Variants in KIFAP3 observed in about 807,000 individuals in gnomAD.
KIFAP3 encodes kinesin associated protein 3.
A neutral mutation model predicts 106.5 loss-of-function variants in KIFAP3; 68 were observed. The ratio of observed to expected loss-of-function variants is 0.64; its 90% CI spans 0.53 to 0.78. The LOEUF is 0.78. Ranked by LOEUF, KIFAP3 falls within the 30% of genes least tolerant of loss-of-function variation. The probability of loss-of-function intolerance (pLI) is 0.00; values close to 1 mark genes in which losing one functional copy is unlikely to be tolerated. For synonymous variants in KIFAP3, 320 were observed against 311.5 expected (o/e 1.03, Z -0.29); for missense variants, 780 against 941.8 (o/e 0.83, Z 2.25).
intron 16 of KIFAP3, among the ~76,000 whole-genome samples, chr1:169,974,597 A>ATTCTGAAACTCAT (rs6143480): frequency 0.94 from 141,959 of 151,516 alleles, 66,588 homozygotes; most frequent in East Asian, 1. Context: ...GTATTTGTGC[A>ATTCTGAAACTCAT]TTTTTTAAAA....
chr1:169,938,580 A>C (rs566569088), intron 19 of KIFAP3, among the ~76,000 whole-genome samples: 1 of 152,270 alleles, frequency 6.6e-6, no homozygotes, highest in East Asian at 1.9e-4. Context: ...CTGACCTTTA[A>C]AACTTCTATT....
upstream of KIFAP3, among the ~76,000 whole-genome samples, chr1:170,076,560 C>T (rs1363185167): frequency 1.3e-5 from 2 of 151,854 alleles, no homozygotes; most frequent in African/African-American, 2.4e-5. Context: ...AAAAAAGAAC[C>T]CCACTTCCAC....
At chr1:170,055,752 A>G (rs758237193) in intron 1 of KIFAP3, among the ~76,000 whole-genome samples, 3 of 152,198 alleles carry the variant, frequency 2.0e-5, no homozygotes, top group Non-Finnish European at 2.9e-5. Context: ...TGAAACATAA[A>G]CAAGTAAGAC....
chr1:170,068,239 CACAA>C (rs1379880627), intron 1 of KIFAP3: 1 of 152,106 alleles, frequency 6.6e-6, no homozygotes, highest in Admixed American at 6.6e-5. Flanking sequence ...CATGCTACAG[CACAA>C]ACACTGGACT....
At chr1:170,028,592 C>T (rs1669238986) in intron 8 of KIFAP3, among the ~76,000 whole-genome samples, 1 of 152,214 alleles carries the variant, frequency 6.6e-6, no homozygotes, top group Non-Finnish European at 1.5e-5. Context: ...CCACCTAGGC[C>T]TCCCAGAATG....
intron 17 of KIFAP3, among the ~76,000 whole-genome samples, chr1:169,970,688 T>A (rs1394690319): frequency 6.6e-6 from 1 of 152,052 alleles, no homozygotes; most frequent in Non-Finnish European, 1.5e-5. Context: ...TTTTAAGACA[T>A]CATCCACTCC....
intron 3 of KIFAP3, among the ~76,000 whole-genome samples, chr1:170,042,658 G>C (rs1239112178): frequency 6.6e-6 from 1 of 152,136 alleles, no homozygotes; most frequent in Non-Finnish European, 1.5e-5. Context: ...TTGAAAACTT[G>C]ACCTGTGACT....
chr1:169,974,208 C>T (rs371576199), intron 16 of KIFAP3, among the ~76,000 whole-genome samples: 18 of 151,870 alleles, frequency 1.2e-4, no homozygotes, highest in African/African-American at 3.4e-4. Flanking sequence ...AATAAAGAAA[C>T]CTTGGTGAAT....
chr1:169,962,217 CTTGTT>C (rs1487962419), intron 17 of KIFAP3, among the ~76,000 whole-genome samples: 1 of 152,076 alleles, frequency 6.6e-6, no homozygotes. Context: ...TTAAATGCTT[CTTGTT>C]TTGATCATAA....
At chr1:169,922,412 G>A (rs1249317474) in intron 19 of KIFAP3, among the ~76,000 whole-genome samples, 2 of 152,126 alleles carry the variant, frequency 1.3e-5, no homozygotes, top group Non-Finnish European at 2.9e-5. Context: ...TTTCTTTTGA[G>A]TGACAGCAAG....
At chr1:169,922,376 A>G (rs1662876498) in intron 19 of KIFAP3, among the ~76,000 whole-genome samples, 1 of 152,230 alleles carries the variant, frequency 6.6e-6, no homozygotes, top group African/African-American at 2.4e-5. Flanking sequence ...TGATTCCTCA[A>G]TGCAAACAAT....
At chr1:169,978,021 T>A in intron 16 of KIFAP3, 64 bp downstream of exon 16, 5 of 956,904 alleles carry the variant, frequency 5.2e-6, no homozygotes, top group Non-Finnish European at 8.1e-6. Context: ...AAAAAACAAC[T>A]CAAAGATGCA....
At chr1:169,979,494 C>T (rs773148668) in intron 15 of KIFAP3, among the ~76,000 whole-genome samples, 2 of 152,048 alleles carry the variant, frequency 1.3e-5, no homozygotes, top group Non-Finnish European at 2.9e-5. Flanking sequence ...TAAATAGGCA[C>T]ATCTTTTTAC....
intron 2 of KIFAP3, among the ~76,000 whole-genome samples, chr1:170,049,997 C>T (rs762974697): frequency 1.6e-4 from 25 of 152,060 alleles, no homozygotes; most frequent in African/African-American, 5.3e-4. Context: ...ATGAGATTGA[C>T]GAAATGCCAG....
chr1:170,000,203 G>A (rs1011193894), intron 10 of KIFAP3, among the ~76,000 whole-genome samples: 1 of 152,044 alleles, frequency 6.6e-6, no homozygotes, highest in Non-Finnish European at 1.5e-5. Context: ...AGTAGATCCA[G>A]CCCAACACTG....
intron 9 of KIFAP3, among the ~76,000 whole-genome samples, chr1:170,023,121 C>A (rs1324934046): frequency 6.6e-6 from 1 of 151,988 alleles, no homozygotes; most frequent in Non-Finnish European, 1.5e-5. Flanking sequence ...AAACAAAAAA[C>A]ATGTTTGATT....
chr1:169,927,373 A>T lies in KIFAP3; in HGVS notation c.2274-5592T>A, dbSNP rs575417783. On this transcript the variant is annotated intron_variant, in intron 19 of 19. Coordinates refer to ENST00000361580, the MANE Select transcript of KIFAP3 (RefSeq NM_014970.4). ...TCATCCTACTGTAGCATATGTATAAATTGCTACAGAAGAAAAGAGGGGGGA... is the reference window on the plus strand; with the variant it reads ...TCATCCTACTGTAGCATATGTATAATTTGCTACAGAAGAAAAGAGGGGGGA... 2.6e-5 allele frequency among the ~76,000 whole-genome samples: 4 copies of T among 152,350 alleles called. No homozygotes were observed. The East Asian group carries it at 7.7e-4, about 29-fold the overall frequency.
chr1:169,957,684 G>A (rs1198384462), intron 18 of KIFAP3, among the ~76,000 whole-genome samples: 1 of 151,976 alleles, frequency 6.6e-6, no homozygotes, highest in African/African-American at 2.4e-5. Flanking sequence ...CTGGTGTGCA[G>A]TGGTGTGATC....
At chr1:169,924,037 A>G (rs1246484833) in intron 19 of KIFAP3, among the ~76,000 whole-genome samples, 2 of 152,142 alleles carry the variant, frequency 1.3e-5, no homozygotes, top group African/African-American at 4.8e-5. Flanking sequence ...GATCACTGTA[A>G]TTTCCCATGT....
Sources: gnomAD v4.1 joint callset for allele counts (sites outside exome capture counted in the v4.1 genomes callset) on GRCh38, gnomAD v4.1.1 for gene constraint, MANE v1.5 for transcripts, NCBI Gene and HGNC (gene_info 2026-07-23, HGNC 2026-07-21) for gene names.